Variants in RNLS observed in about 807,000 individuals in gnomAD.
RNLS encodes renalase.
A neutral mutation model predicts 39.8 loss-of-function variants in RNLS; 39 were observed. That is an observed-to-expected ratio of 0.98 (90% confidence interval 0.76 to 1.28). The LOEUF (loss-of-function observed/expected upper bound fraction) is 1.28, where lower values mean the gene tolerates loss of function less well. Among genes scored for constraint, RNLS ranks in the 50% most tolerant of loss-of-function variants. The probability of loss-of-function intolerance (pLI) is 0.00; values close to 1 mark genes in which losing one functional copy is unlikely to be tolerated. For missense variants in RNLS, 410 were observed against 413.3 expected (o/e 0.99, Z 0.07); for synonymous variants, 147 against 150.7 (o/e 0.98, Z 0.18).
intron 4 of RNLS, among the ~76,000 whole-genome samples, chr10:88,363,306 C>T (rs925629325): frequency 4.3e-4 from 65 of 151,928 alleles, no homozygotes; most frequent in African/African-American, 1.6e-3. Context: ...GGGCTTAATA[C>T]CTAGGGGATG....
intron 3 of RNLS, among the ~76,000 whole-genome samples, chr10:88,575,749 A>T (rs562059992): frequency 6.6e-6 from 1 of 152,306 alleles, no homozygotes; most frequent in South Asian, 2.1e-4. Context: ...TGAGCTTAGT[A>T]AATTTGACCA....
chr10:88,419,761 T>C (rs1027231530), intron 4 of RNLS, among the ~76,000 whole-genome samples: 3 of 152,078 alleles, frequency 2.0e-5, no homozygotes, highest in African/African-American at 7.2e-5. Context: ...TACCGGCACT[T>C]TGAGAGGCCG....
At chr10:88,549,689 T>C (rs1054513757) in intron 4 of RNLS, among the ~76,000 whole-genome samples, 1 of 152,208 alleles carries the variant, frequency 6.6e-6, no homozygotes, top group Non-Finnish European at 1.5e-5. Context: ...AAGCCAGTAT[T>C]ACAGCCGACT....
the RNLS span, among the ~76,000 whole-genome samples, chr10:88,226,738 CTTTTTTTTTTTTT>C: frequency 4.3e-5 from 3 of 69,470 alleles, no homozygotes; most frequent in African/African-American, 6.0e-5. Context: ...TCTCCCTTCA[CTTTTTTTTTTTTT>C]TTTTTTTTTT....
intron 5 of RNLS, among the ~76,000 whole-genome samples, chr10:88,350,380 C>G (rs777395955): frequency 2.0e-5 from 3 of 152,112 alleles, no homozygotes; most frequent in Non-Finnish European, 4.4e-5. Context: ...ATCCCTCCCC[C>G]CTCCTCCCAC....
chr10:88,547,891 TAC>T (rs1848397684), intron 4 of RNLS, among the ~76,000 whole-genome samples: 1 of 151,930 alleles, frequency 6.6e-6, no homozygotes. Flanking sequence ...CCCATAAAAA[TAC>T]ACAATTATTA....
chr10:88,273,621 T>A (rs1050482653), downstream of RNLS, among the ~76,000 whole-genome samples: 2 of 152,226 alleles, frequency 1.3e-5, no homozygotes, highest in African/African-American at 4.8e-5. Flanking sequence ...TCCACTATCA[T>A]AACTAATGCT....
chr10:88,203,223 AGTGTGTGTGTGTGTGT>A, the RNLS span, among the ~76,000 whole-genome samples: 474 of 11,234 alleles, frequency 0.042, 64 homozygotes, highest in South Asian at 0.1. Flanking sequence ...GATAGCAAAA[AGTGTGTGTGTGTGTGT>A]GTGTGTGTGT....
chr10:88,491,963 T>G lies in RNLS; in HGVS notation c.526+80940A>C, dbSNP rs78426286. On this transcript the variant is annotated intron_variant, in intron 4 of 6. Transcript: ENST00000331772. ...TAGGGAGAAAAAGAGTTTTGTTTTT[T>G]TTTTTTTTTTTAGGGGTAAAATAAA... Among the ~76,000 whole-genome samples the G allele has an allele frequency of 5.6e-4, 84 of 150,492 alleles. 1 individual carries two copies. The highest frequency in any genetic ancestry group is 1.8e-3 in the African/African-American group (76 of 41,224).
At chr10:88,362,316 A>G (rs1849697612) in intron 5 of RNLS, among the ~76,000 whole-genome samples, 1 of 152,204 alleles carries the variant, frequency 6.6e-6, no homozygotes, top group Non-Finnish European at 1.5e-5. Flanking sequence ...AAACCTTCTG[A>G]CACTATTTTC....
chr10:88,486,024 G>C (rs1337641096), intron 4 of RNLS, among the ~76,000 whole-genome samples: 1 of 151,944 alleles, frequency 6.6e-6, no homozygotes, highest in Non-Finnish European at 1.5e-5. Context: ...TTGTTAAGGA[G>C]AGGAAAAGAT....
intron 4 of RNLS, among the ~76,000 whole-genome samples, chr10:88,434,685 A>G (rs1855354543): frequency 6.6e-6 from 1 of 152,192 alleles, no homozygotes; most frequent in Non-Finnish European, 1.5e-5. Context: ...ATTAAAAATC[A>G]GAATACATAT....
At chr10:88,562,224 T>C (rs1849234722) in intron 4 of RNLS, among the ~76,000 whole-genome samples, 2 of 152,028 alleles carry the variant, frequency 1.3e-5, no homozygotes, top group African/African-American at 2.4e-5. Flanking sequence ...TATAAGAATA[T>C]GTAAACAAGG....
chr10:88,581,641 A>G lies in RNLS; in HGVS notation c.293T>C (p.Met98Thr). The change falls in exon 3 of 7, where the codon ATG becomes ACG. Residue 98 changes from methionine to threonine, a missense_variant. By Grantham distance (81) the Met-to-Thr change is moderately conservative. Transcript: ENST00000331772. ...CACAAAGTTACAGTCTCCTTCTTTC[A>G]TCACCATTCCTTCAATAGGCGAGCT... The part of the protein sequence containing the change: ...PLSSPIEGMV[M>T]KEGDCNFVAP... 6.2e-7 allele frequency: 1 copy of G among 1,606,102 alleles called. No homozygotes were observed.
chr10:88,381,514 TTTG>T lies in RNLS; in HGVS notation c.527-18792_527-18790del, dbSNP rs1412820235. On this transcript the variant is annotated intron_variant, in intron 4 of 6. Transcript: ENST00000331772. ...ATATATATACATATTAAAAGTATTTTTTGTTTTTTATATTCAGCTTTTAAAAAA... is the reference window on the plus strand; with the variant it reads ...ATATATATACATATTAAAAGTATTTTTTTTTTATATTCAGCTTTTAAAAAA... 6.6e-5 allele frequency among the ~76,000 whole-genome samples: 10 copies of T among 151,908 alleles called. No homozygotes were observed. In the East Asian group the frequency reaches 1.7e-3, roughly 26 times the overall value.
the RNLS span, among the ~76,000 whole-genome samples, chr10:88,244,700 T>TTTTC: frequency 7.9e-5 from 12 of 151,560 alleles, no homozygotes; most frequent in Non-Finnish European, 1.2e-4. Flanking sequence ...GCTTTTTTTT[T>TTTTC]TTTCTTTCTT....
chr10:88,250,287 C>G, the RNLS span, among the ~76,000 whole-genome samples: 6 of 152,334 alleles, frequency 3.9e-5, no homozygotes, highest in African/African-American at 1.4e-4. Context: ...CAAATGAATG[C>G]ATATTTCACT....
intron 6 of RNLS, among the ~76,000 whole-genome samples, chr10:88,311,466 C>T (rs1449433943): frequency 6.6e-6 from 1 of 152,186 alleles, no homozygotes; most frequent in Non-Finnish European, 1.5e-5. Context: ...CTGAGAACCA[C>T]AAAAAGTCTG....
intron 4 of RNLS, among the ~76,000 whole-genome samples, chr10:88,413,358 T>G (rs1039585153): frequency 1.3e-5 from 2 of 152,212 alleles, no homozygotes; most frequent in African/African-American, 2.4e-5. Flanking sequence ...ATGCATCCAT[T>G]CACTTATTCT....
Sources: allele counts gnomAD v4.1 joint callset (sites outside exome capture counted in the v4.1 genomes callset), GRCh38; gene constraint gnomAD v4.1.1; transcripts MANE v1.5; gene names NCBI Gene and HGNC (gene_info 2026-07-23, HGNC 2026-07-21).